Variants in MAGI2 observed in about 807,000 individuals in gnomAD.
The protein encoded by MAGI2 is membrane-associated guanylate kinase, WW and PDZ domain-containing protein 2.
In MAGI2, 35 loss-of-function variants were observed where a neutral mutation model predicts 133.3. The ratio of observed to expected loss-of-function variants is 0.26; its 90% CI spans 0.20 to 0.35. The LOEUF (loss-of-function observed/expected upper bound fraction) is 0.35, where lower values mean the gene tolerates loss of function less well. Among genes scored for constraint, MAGI2 ranks in the 10% least tolerant of loss-of-function variants. The pLI is 1.00. For missense variants in MAGI2, 1,636 were observed against 1,863.4 expected, an observed-to-expected ratio of 0.88 and a Z score of 2.25; for synonymous variants, 729 against 710.6, an observed-to-expected ratio of 1.03 and a Z score of -0.41.
chr7:78,041,175 C>G (rs1810795030), intron 21 of MAGI2, among the ~76,000 whole-genome samples: 1 of 152,172 alleles, frequency 6.6e-6, no homozygotes, highest in Non-Finnish European at 1.5e-5. Flanking sequence ...ATGGAAGGCT[C>G]CTTCAGCCTC....
intron 7 of MAGI2, among the ~76,000 whole-genome samples, chr7:78,349,445 A>G (rs2191322): frequency 0.97 from 147,467 of 152,306 alleles, 71,447 homozygotes; most frequent in East Asian, 1. Flanking sequence ...AATACATTAC[A>G]AAAACTTTCT....
intron 1 of MAGI2, among the ~76,000 whole-genome samples, chr7:79,136,099 AAG>A (rs1451653575): frequency 2.0e-5 from 3 of 149,430 alleles, no homozygotes; most frequent in Admixed American, 1.3e-4. Context: ...GAAAGAAAGA[AAG>A]AAAGAAAGAA....
chr7:79,408,779 T>C (rs532749239), intron 1 of MAGI2, among the ~76,000 whole-genome samples: 120 of 152,178 alleles, frequency 7.9e-4, no homozygotes, highest in African/African-American at 2.7e-3. Flanking sequence ...AATTCTACAT[T>C]TAAAACCCAT....
At chr7:78,234,027 G>A (rs1187739086) in intron 10 of MAGI2, among the ~76,000 whole-genome samples, 1 of 152,142 alleles carries the variant, frequency 6.6e-6, no homozygotes, top group African/African-American at 2.4e-5. Context: ...CTTTATATAA[G>A]TGTGCAGATT....
chr7:78,101,625 C>T (rs998723121), intron 20 of MAGI2, among the ~76,000 whole-genome samples: 5 of 152,086 alleles, frequency 3.3e-5, no homozygotes, highest in African/African-American at 1.2e-4. Flanking sequence ...GGAAGAAGCT[C>T]CTTGACATTG....
At chr7:78,708,516 T>C (rs767924229) in intron 2 of MAGI2, among the ~76,000 whole-genome samples, 2 of 152,184 alleles carry the variant, frequency 1.3e-5, no homozygotes, top group Non-Finnish European at 2.9e-5. Flanking sequence ...ACAGTGTTTA[T>C]TGTATCCCAG....
At chr7:78,716,846 G>A (rs1031938304) in intron 2 of MAGI2, among the ~76,000 whole-genome samples, 7 of 152,116 alleles carry the variant, frequency 4.6e-5, no homozygotes, top group Non-Finnish European at 1.0e-4. Flanking sequence ...CTTTTCATGG[G>A]GCACGGAATC....
intron 2 of MAGI2, among the ~76,000 whole-genome samples, chr7:78,906,883 T>G (rs1798031950): frequency 5.3e-5 from 8 of 152,146 alleles, no homozygotes; most frequent in Admixed American, 4.6e-4. Context: ...TATTTAAAAG[T>G]AATGGCATTA....
At chr7:78,115,295 G>C (rs1291292430) in intron 20 of MAGI2, among the ~76,000 whole-genome samples, 3 of 151,874 alleles carry the variant, frequency 2.0e-5, no homozygotes, top group African/African-American at 7.3e-5. Context: ...TCAAAAGAGA[G>C]TTGAAAAAAT....
chr7:78,028,508 C>T (rs977896001), intron 21 of MAGI2, among the ~76,000 whole-genome samples: 11 of 152,152 alleles, frequency 7.2e-5, no homozygotes, highest in Admixed American at 3.3e-4. Context: ...AACTCTGCTG[C>T]GTGGATCACA....
chr7:78,719,163 C>T (rs1820013958), intron 2 of MAGI2, among the ~76,000 whole-genome samples: 1 of 152,048 alleles, frequency 6.6e-6, no homozygotes, highest in Admixed American at 6.5e-5. Context: ...TCTATGTGAA[C>T]CAATTAATAG....
At chr7:78,743,844 T>A (rs1822661829) in intron 2 of MAGI2, among the ~76,000 whole-genome samples, 1 of 152,204 alleles carries the variant, frequency 6.6e-6, no homozygotes. Context: ...ATGAACCATT[T>A]CTGGGAAGGC....
intron 2 of MAGI2, among the ~76,000 whole-genome samples, chr7:78,723,403 T>G (rs1473952099): frequency 3.3e-5 from 5 of 152,172 alleles, no homozygotes. Context: ...ATTTGCATAT[T>G]TAATAAGAAC....
chr7:78,674,111 A>G (rs1814720861), intron 2 of MAGI2, among the ~76,000 whole-genome samples: 1 of 152,206 alleles, frequency 6.6e-6, no homozygotes, highest in Non-Finnish European at 1.5e-5. Context: ...TTTTTGCTAT[A>G]CAGTGTACCT....
chr7:78,375,709 A>T (rs1380292018), intron 6 of MAGI2, among the ~76,000 whole-genome samples: 1 of 152,176 alleles, frequency 6.6e-6, no homozygotes, highest in East Asian at 1.9e-4. Flanking sequence ...ATATGGTAAT[A>T]GCTACTTATT....
intron 2 of MAGI2, among the ~76,000 whole-genome samples, chr7:78,661,532 A>G (rs1180660065): frequency 6.6e-6 from 1 of 152,148 alleles, no homozygotes; most frequent in Non-Finnish European, 1.5e-5. Flanking sequence ...TTCCTCCTTC[A>G]CATCAAGTCC....
At chr7:78,454,990 C>G (rs1035100693) in intron 6 of MAGI2, among the ~76,000 whole-genome samples, 1 of 152,074 alleles carries the variant, frequency 6.6e-6, no homozygotes, top group Non-Finnish European at 1.5e-5. Flanking sequence ...ATATTGGAAA[C>G]ACAGCATTAT....
chr7:79,028,245 A>ATATG (rs1378243372), intron 1 of MAGI2, among the ~76,000 whole-genome samples: 1 of 96,250 alleles, frequency 1.0e-5, no homozygotes, highest in East Asian at 2.7e-4. Flanking sequence ...GTATATATAT[A>ATATG]TATATATATA....
intron 2 of MAGI2, among the ~76,000 whole-genome samples, chr7:78,922,611 G>T (rs866836457): frequency 6.6e-6 from 1 of 152,108 alleles, no homozygotes; most frequent in Non-Finnish European, 1.5e-5. Context: ...ACTTGGGTTG[G>T]TTCCAAGTCT....
Sources: gnomAD v4.1 joint callset for allele counts (sites outside exome capture counted in the v4.1 genomes callset) on GRCh38, gnomAD v4.1.1 for gene constraint, MANE v1.5 for transcripts, NCBI Gene and HGNC (gene_info 2026-07-23, HGNC 2026-07-21) for gene names.